RSPO4: variants seen among roughly 807,000 people sequenced by gnomAD.
The protein encoded by RSPO4 is R-spondin-4.
Under a neutral mutation model 24.8 loss-of-function variants are expected in RSPO4, and 23 were observed. That is an observed-to-expected ratio of 0.93 (90% confidence interval 0.67 to 1.31). The LOEUF (loss-of-function observed/expected upper bound fraction) is 1.31. RSPO4 is among the 40% of genes most tolerant of loss of function. The pLI is 0.00. For missense variants in RSPO4, 333 were observed against 316.5 expected (o/e 1.05, Z -0.39); for synonymous variants, 141 against 127.4 (o/e 1.11, Z -0.72).
chr20:989,857 G>A (rs1183219885), intron 1 of RSPO4, among the ~76,000 whole-genome samples: 1 of 152,212 alleles, frequency 6.6e-6, no homozygotes, highest in Non-Finnish European at 1.5e-5. Flanking sequence ...GCGGGCCTCT[G>A]GGAGCTCTGG....
At chr20:969,431 CAG>C (rs1014771712) in intron 1 of RSPO4, among the ~76,000 whole-genome samples, 9 of 152,364 alleles carry the variant, frequency 5.9e-5, no homozygotes, top group African/African-American at 2.2e-4. Flanking sequence ...CTCACAAAGA[CAG>C]GGGGTGCCTG....
chr20:962,287 T>C (rs1345699508), intron 4 of RSPO4, among the ~76,000 whole-genome samples: 1 of 152,112 alleles, frequency 6.6e-6, no homozygotes, highest in Non-Finnish European at 1.5e-5. Context: ...GAAGCCTCTC[T>C]GAGGAGGAGC....
At chr20:985,572 A>G (rs6039397) in intron 1 of RSPO4, among the ~76,000 whole-genome samples, 42,771 of 152,162 alleles carry the variant, frequency 0.28, 9,870 homozygotes, top group African/African-American at 0.63. Context: ...TAAAATGTTT[A>G]TTGGATGTAA....
intron 1 of RSPO4, among the ~76,000 whole-genome samples, chr20:984,443 C>T (rs908021286): frequency 1.3e-5 from 2 of 152,166 alleles, no homozygotes; most frequent in African/African-American, 2.4e-5. Flanking sequence ...TAAAAGTCAG[C>T]GCTGACTGAG....
rs1009410860 is a variant in RSPO4 at position 960,409 on chromosome 20, T to C, written c.653A>G (p.Lys218Arg). The C allele has an allele frequency of 6.5e-7, 1 of 1,539,702 alleles. No homozygotes were observed. The highest frequency in any genetic ancestry group is 1.4e-5 in the African/African-American group (1 of 73,226). Reference protein sequence around the residue: ...RKDRRPRKDRKLDRRLDVRPR... With the variant: ...RKDRRPRKDRRLDRRLDVRPR... ...CCTCACGTCCAGCCTGCGGTCCAGC[T>C]TCCTGTCCTTGCGTGGGCGCCGGTC... is the stretch of plus-strand genomic sequence containing the variant. Residue 218 changes from lysine to arginine, a missense_variant, in exon 5 of 5, where the codon AAG becomes AGG. Physicochemically the swap from Lys to Arg is conservative, Grantham distance 26. Coordinates refer to ENST00000217260, the MANE Select transcript of RSPO4 (RefSeq NM_001029871.4).
At chr20:977,056 T>C (rs1984588198) in intron 1 of RSPO4, among the ~76,000 whole-genome samples, 2 of 152,198 alleles carry the variant, frequency 1.3e-5, no homozygotes, top group African/African-American at 4.8e-5. Context: ...CCCTATGTTA[T>C]CATCCTTGAG....
chr20:986,506 T>C (rs1264564088), intron 1 of RSPO4, among the ~76,000 whole-genome samples: 1 of 151,902 alleles, frequency 6.6e-6, no homozygotes, highest in African/African-American at 2.4e-5. Flanking sequence ...GAAGCAGTGA[T>C]GGGAAAGGAG....
intron 1 of RSPO4, among the ~76,000 whole-genome samples, chr20:977,316 G>A (rs1042009714): frequency 6.6e-6 from 1 of 152,202 alleles, no homozygotes; most frequent in Non-Finnish European, 1.5e-5. Flanking sequence ...GTGTGGAACA[G>A]GGTTAAGAGC....
At chr20:992,640 A>G (rs1241474746) in intron 1 of RSPO4, among the ~76,000 whole-genome samples, 1 of 152,016 alleles carries the variant, frequency 6.6e-6, no homozygotes, top group Non-Finnish European at 1.5e-5. Flanking sequence ...AGATGCTCTT[A>G]TTGTCCCCAT....
At chr20:995,661 T>C in intron 1 of RSPO4, among the ~76,000 whole-genome samples, 1 of 152,218 alleles carries the variant, frequency 6.6e-6, no homozygotes, top group East Asian at 1.9e-4. Context: ...TCTCTGGGCT[T>C]ACATCCCAGC....
At chr20:990,249 T>C (rs755729164) in intron 1 of RSPO4, among the ~76,000 whole-genome samples, 128 of 152,260 alleles carry the variant, frequency 8.4e-4, no homozygotes, top group Non-Finnish European at 9.4e-4. Flanking sequence ...ACACCAGGGA[T>C]GGACCCTAAA....
At chr20:967,915 C>A in intron 2 of RSPO4, 35 bp downstream of exon 2, 1 of 1,601,820 alleles carries the variant, frequency 6.2e-7, no homozygotes. Context: ...TCTAGGAGCC[C>A]AGCACTAGCA....
intron 1 of RSPO4, among the ~76,000 whole-genome samples, chr20:968,731 G>T (rs1984314571): frequency 6.6e-6 from 1 of 152,188 alleles, no homozygotes; most frequent in African/African-American, 2.4e-5. Flanking sequence ...TCACCCTCCT[G>T]CTGGGTTCCT....
rs967407717 is a variant in RSPO4 at position 959,939 on chromosome 20, G to A, written c.*418C>T. ...GTCAGGGAAAGGCCTGGGAAAAGATGTTTGCTTTCTTTAAGTTGTAGATAG... is the reference window on the plus strand; with the variant it reads ...GTCAGGGAAAGGCCTGGGAAAAGATATTTGCTTTCTTTAAGTTGTAGATAG... On this transcript the variant is annotated 3_prime_UTR_variant, in exon 5 of 5. Coordinates refer to ENST00000217260, the MANE Select transcript of RSPO4 (RefSeq NM_001029871.4). The A allele has an allele frequency of 3.1e-5, 6 of 192,154 alleles. No homozygotes were observed. The highest frequency in any genetic ancestry group is 2.1e-4 in the South Asian group (2 of 9,390). The allele number at this position is 192,154 out of a possible 1,614,324, so 11.9% of individuals were successfully genotyped here.
chr20:995,285 C>T (rs1297427616), intron 1 of RSPO4, among the ~76,000 whole-genome samples: 4 of 152,142 alleles, frequency 2.6e-5, no homozygotes, highest in Admixed American at 6.5e-5. Context: ...AGAAGTCTAC[C>T]GTAGGCAGGA....
intron 1 of RSPO4, among the ~76,000 whole-genome samples, chr20:972,503 G>A (rs750432920): frequency 3.3e-5 from 5 of 152,198 alleles, no homozygotes; most frequent in Non-Finnish European, 5.9e-5. Context: ...CTTAGGAAAC[G>A]CTGGCACTGT....
chr20:966,847 C>G (rs903879208), intron 3 of RSPO4, among the ~76,000 whole-genome samples: 2 of 151,826 alleles, frequency 1.3e-5, no homozygotes, highest in African/African-American at 4.8e-5. Flanking sequence ...GAGTGAGACC[C>G]TATCTCAAAC....
chr20:972,305 A>T (rs920431279), intron 1 of RSPO4, among the ~76,000 whole-genome samples: 4 of 152,058 alleles, frequency 2.6e-5, no homozygotes, highest in African/African-American at 9.7e-5. Flanking sequence ...GGCTCAAGCA[A>T]TCCTCCTGTC....
Position 1,002,230 on chromosome 20 carries a change from G to T in RSPO4, c.-66C>A. 8.4e-7 allele frequency: 1 copy of T among 1,191,112 alleles called. No individual in the cohort carries two copies. The highest frequency in any genetic ancestry group is 1.1e-6 in the Non-Finnish European group (1 of 921,360). 73.8% of individuals were successfully genotyped at this position (1,191,112 alleles called of 1,614,324 possible). ...GACGGCCCAAGGGCCCCACGTCCCG[G>T]CGGCGGCACGGCGGGCGCGGGGGCT... On this transcript the variant is annotated 5_prime_UTR_variant, in exon 1 of 5. Coordinates refer to ENST00000217260, the MANE Select transcript of RSPO4 (RefSeq NM_001029871.4). The surrounding 1 kb of genome is among the most constrained non-coding windows in gnomAD (Gnocchi z 4.6).
Sources: gnomAD v4.1 joint callset for allele counts (sites outside exome capture counted in the v4.1 genomes callset) on GRCh38, gnomAD v4.1.1 for gene constraint, Gnocchi (gnomAD v3.1) non-coding constraint, MANE v1.5 for transcripts, NCBI Gene and HGNC (gene_info 2026-07-23, HGNC 2026-07-21) for gene names.